The following SUSD4 variants were observed in gnomAD, a reference collection of about 807,000 sequenced individuals.
The protein encoded by SUSD4 is sushi domain-containing protein 4.
Under a neutral mutation model 50.5 loss-of-function variants are expected in SUSD4, and 41 were observed. The observed-to-expected ratio is 0.81, with a 90% CI of 0.63 to 1.05. The LOEUF (loss-of-function observed/expected upper bound fraction) is 1.05, where lower values mean the gene tolerates loss of function less well. Ranked by LOEUF, SUSD4 falls within the 50% of genes least tolerant of loss-of-function variation. The pLI, the probability that SUSD4 is intolerant of heterozygous loss-of-function variation, is 0.00. For synonymous variants in SUSD4, 257 were observed against 257.3 expected, an observed-to-expected ratio of 1.00 and a Z score of 0.01; for missense variants, 580 against 634.7, an observed-to-expected ratio of 0.91 and a Z score of 0.93.
Position 223,308,874 on chromosome 1 carries a change from C to T in SUSD4, c.149-16223G>A, listed in dbSNP as rs538502317. On this transcript the variant is annotated intron_variant, in intron 2 of 8. Coordinates refer to ENST00000366878, the MANE Select transcript of SUSD4 (RefSeq NM_017982.4). ...GCATCTTGACCTGATGGCACTTGTA[C>T]TTCAGACCACTACCAAAAGTTATCT... 1.3e-4 allele frequency among the ~76,000 whole-genome samples: 20 copies of T among 152,256 alleles called. No homozygotes were observed. The South Asian group carries it at 4.1e-3, about 32-fold the overall frequency.
At position 223,282,711 on chromosome 1, in the gene SUSD4, A is replaced by C. The variant is rs1328855986; in HGVS notation, c.361+9728T>G. ...TGCCATCCCCATCAAGCTACCAATG[A>C]CTTTCTTCACAGAATTGGAAAAAAC... On this transcript the variant is annotated intron_variant, in intron 3 of 8. Coordinates refer to ENST00000366878, the MANE Select transcript of SUSD4 (RefSeq NM_017982.4). Among the ~76,000 whole-genome samples, 4 of 152,346 alleles carry C rather than the reference A, an allele frequency of 2.6e-5. No homozygotes were observed. The South Asian group carries it at 6.2e-4, about 24-fold the overall frequency.
intron 2 of SUSD4, among the ~76,000 whole-genome samples, chr1:223,354,538 T>G (rs1668551027): frequency 6.6e-6 from 1 of 152,168 alleles, no homozygotes; most frequent in Non-Finnish European, 1.5e-5. Flanking sequence ...CCCCATTTTG[T>G]GTAAGTATAA....
chr1:223,264,304 A>G (rs1217526964), intron 5 of SUSD4: 1 of 1,052,224 alleles, frequency 9.5e-7, no homozygotes, highest in African/African-American at 1.7e-5. Context: ...ACATGATACA[A>G]TCTGTTCCCA....
chr1:223,364,222 C>G (rs1669183890), upstream of SUSD4: 1 of 149,794 alleles, frequency 6.7e-6, no homozygotes. This position sits in a 1 kb window ranked among gnomAD's most constrained non-coding sequence, Gnocchi z 4.5. Flanking sequence ...CGCTCCCTCC[C>G]CAGGCGCCCC....
intron 2 of SUSD4, among the ~76,000 whole-genome samples, chr1:223,317,092 T>A (rs1156485434): frequency 6.6e-6 from 1 of 152,170 alleles, no homozygotes; most frequent in African/African-American, 2.4e-5. Context: ...CCCAGATGGT[T>A]AAGGCATTGT....
intron 3 of SUSD4, among the ~76,000 whole-genome samples, chr1:223,290,533 C>G (rs762108903): frequency 1.3e-4 from 14 of 111,520 alleles, no homozygotes; most frequent in Non-Finnish European, 1.9e-4. Flanking sequence ...CGACTGGAAT[C>G]CAAGGACCTG....
intron 2 of SUSD4, among the ~76,000 whole-genome samples, chr1:223,300,382 C>A (rs564050247): frequency 6.6e-6 from 1 of 152,308 alleles, no homozygotes; most frequent in South Asian, 2.1e-4. Flanking sequence ...TGCAAAGACA[C>A]CCTCAGTTTC....
At chr1:223,345,801 C>A (rs1667999659) in intron 2 of SUSD4, among the ~76,000 whole-genome samples, 1 of 152,212 alleles carries the variant, frequency 6.6e-6, no homozygotes, top group African/African-American at 2.4e-5. Context: ...CTCTCTCATG[C>A]CTACACTAGA....
chr1:223,314,570 C>T (rs574401210), intron 2 of SUSD4, among the ~76,000 whole-genome samples: 1 of 152,192 alleles, frequency 6.6e-6, no homozygotes, highest in South Asian at 2.1e-4. Flanking sequence ...ATTGTAGCTC[C>T]CATAATTCCC....
rs1160770637 is a variant in SUSD4, at chr1:223,223,626, G to A, written c.1067C>T (p.Pro356Leu). 2 of 1,602,890 alleles carry A rather than the reference G, an allele frequency of 1.2e-6. No homozygotes were observed. Among genetic ancestry groups the A allele is most frequent in the Non-Finnish European group, 1.7e-6 (2 of 1,173,482 alleles). ...KFKAHFPPRG[P>L]PRSSSSDPDF... ...AGGGTCACTGCTGGAACTCCGGGGAGGCCCCCTGTGTAAAGGAAAGAAGTG... is the reference window on the plus strand; with the variant it reads ...AGGGTCACTGCTGGAACTCCGGGGAAGCCCCCTGTGTAAAGGAAAGAAGTG... Residue 356 changes from proline to leucine, a missense_variant, in exon 8 of 9, where the codon CCT (proline) becomes CTT (leucine). Physicochemically the swap from Pro to Leu is moderately conservative, Grantham distance 98. Transcript: ENST00000366878.
chr1:223,240,551 C>G (rs575696267), intron 5 of SUSD4, among the ~76,000 whole-genome samples: 2 of 152,178 alleles, frequency 1.3e-5, no homozygotes, highest in South Asian at 4.2e-4. Flanking sequence ...CTCAGAGATT[C>G]TTTACTCAGC....
chr1:223,273,062 C>T (rs1367283230), intron 3 of SUSD4, among the ~76,000 whole-genome samples: 2 of 152,138 alleles, frequency 1.3e-5, no homozygotes, highest in African/African-American at 2.4e-5. Flanking sequence ...GAGGAAATGA[C>T]ATTTATTAAG....
intron 6 of SUSD4, among the ~76,000 whole-genome samples, chr1:223,228,143 G>A (rs1327251555): frequency 6.6e-6 from 1 of 152,192 alleles, no homozygotes; most frequent in Non-Finnish European, 1.5e-5. Context: ...GGGATATGCT[G>A]TGGGGTTGGG....
chr1:223,345,005 T>C (rs1667954025), intron 2 of SUSD4, among the ~76,000 whole-genome samples: 1 of 152,242 alleles, frequency 6.6e-6, no homozygotes, highest in South Asian at 2.1e-4. Flanking sequence ...CTCATTGCTC[T>C]TACTTAAGGG....
In SUSD4 at chr1:223,363,316, T is replaced by G; in HGVS notation, c.110A>C (p.Gln37Pro). ...QRLLAVILWF[Q>P]LALCFGPAQL... ...TGCAGGGCCGAAGCACAGCGCCAGC[T>G]GAAACCACAGGATCACGGCCAAGAG... Residue 37 changes from glutamine (Q) to proline (P), a missense_variant, in exon 2 of 9, where the codon CAG (glutamine) becomes CCG (proline). Physicochemically the swap from Gln to Pro is moderately conservative, Grantham distance 76. Transcript: ENST00000366878. The G allele has an allele frequency of 6.2e-7, 1 of 1,610,932 alleles. No homozygotes were observed. Among genetic ancestry groups the G allele is most frequent in the Non-Finnish European group, 8.5e-7 (1 of 1,178,842 alleles).
intron 3 of SUSD4, among the ~76,000 whole-genome samples, chr1:223,270,769 A>T (rs902753384): frequency 6.6e-6 from 1 of 152,110 alleles, no homozygotes; most frequent in Admixed American, 6.5e-5. Context: ...GAGTTTCACC[A>T]TATCAGCCAG....
chr1:223,306,579 C>T (rs1226866671), intron 2 of SUSD4, among the ~76,000 whole-genome samples: 2 of 152,196 alleles, frequency 1.3e-5, no homozygotes, highest in African/African-American at 2.4e-5. Flanking sequence ...GCAGCCTCTA[C>T]CTCCTAGGCT....
chr1:223,301,858 A>G (rs1049316009), intron 2 of SUSD4, among the ~76,000 whole-genome samples: 3 of 152,176 alleles, frequency 2.0e-5, no homozygotes, highest in African/African-American at 7.2e-5. Flanking sequence ...CCATCTCCTT[A>G]CTGCCAACAC....
chr1:223,251,473 C>T (rs1661302359), intron 5 of SUSD4, among the ~76,000 whole-genome samples: 1 of 152,218 alleles, frequency 6.6e-6, no homozygotes, highest in South Asian at 2.1e-4. Flanking sequence ...CACCAGGCCA[C>T]ACCTCCAACA....
Sources: allele counts gnomAD v4.1 joint callset (sites outside exome capture counted in the v4.1 genomes callset), GRCh38; gene constraint gnomAD v4.1.1; non-coding constraint Gnocchi (gnomAD v3.1); transcripts MANE v1.5; gene names NCBI Gene and HGNC (gene_info 2026-07-23, HGNC 2026-07-21).